ZFYVE9: variants seen among roughly 807,000 people sequenced by gnomAD.
ZFYVE9 encodes the protein zinc finger FYVE domain-containing protein 9.
ZFYVE9 carries 43 observed loss-of-function variants against 126.7 expected under a neutral mutation model. The observed-to-expected ratio is 0.34, with a 90% CI of 0.27 to 0.44. The LOEUF (loss-of-function observed/expected upper bound fraction) is 0.44, where lower values mean the gene tolerates loss of function less well. Ranked by LOEUF, ZFYVE9 falls within the 20% of genes least tolerant of loss-of-function variation. The pLI is 1.00. For synonymous variants in ZFYVE9, 521 were observed against 597.4 expected, an observed-to-expected ratio of 0.87 and a Z score of 1.87; for missense variants, 1,476 against 1,697.0, an observed-to-expected ratio of 0.87 and a Z score of 2.29.
At chr1:52,340,052 A>G in intron 16 of ZFYVE9, 74 bp from the exon 17 acceptor site, 1 of 1,235,362 alleles carries the variant, frequency 8.1e-7, no homozygotes, top group Non-Finnish European at 1.2e-6. Context: ...AGACTTCTGC[A>G]GCAAAACGTG....
At chr1:52,297,540 A>G (rs1481773991) in intron 12 of ZFYVE9, among the ~76,000 whole-genome samples, 1 of 151,554 alleles carries the variant, frequency 6.6e-6, no homozygotes, top group Admixed American at 6.6e-5. Context: ...TGCCCAGCCA[A>G]AACACTTCTT....
intron 1 of ZFYVE9, among the ~76,000 whole-genome samples, chr1:52,192,339 C>G (rs1644823379): frequency 6.6e-6 from 1 of 151,374 alleles, no homozygotes; most frequent in Admixed American, 6.6e-5. Context: ...TAAGGAGATT[C>G]TGCTGCATTC....
chr1:52,199,541 G>A (rs978281062), intron 1 of ZFYVE9, among the ~76,000 whole-genome samples: 66 of 152,220 alleles, frequency 4.3e-4, no homozygotes, highest in African/African-American at 1.6e-3. Context: ...TGAATCTATT[G>A]TATGGATGTA....
chr1:52,269,942 C>A (rs1037071316), intron 7 of ZFYVE9, among the ~76,000 whole-genome samples: 6 of 152,062 alleles, frequency 3.9e-5, no homozygotes, highest in African/African-American at 1.4e-4. Context: ...CAAGCCTGGC[C>A]ACAACTGTTT....
At chr1:52,263,939 T>C (rs1250863871) in intron 5 of ZFYVE9, 67 bp downstream of exon 5, 14 of 1,030,628 alleles carry the variant, frequency 1.4e-5, no homozygotes, top group Middle Eastern at 2.7e-4. Flanking sequence ...ATGAGAAGAC[T>C]TTTTTCCCCC....
At chr1:52,204,054 G>C (rs548273882) in intron 1 of ZFYVE9, among the ~76,000 whole-genome samples, 8 of 151,088 alleles carry the variant, frequency 5.3e-5, no homozygotes, top group African/African-American at 1.9e-4. Flanking sequence ...TCTGAATCTA[G>C]TTCTGATGTT....
At chr1:52,340,023 C>T in intron 16 of ZFYVE9, 103 bp from the exon 17 acceptor site, 1 of 859,848 alleles carries the variant, frequency 1.2e-6, no homozygotes, top group South Asian at 1.4e-5. Flanking sequence ...CAGCAGGGTA[C>T]CCAGTGTAAT....
chr1:52,283,463 A>G (rs1645824517), intron 10 of ZFYVE9, among the ~76,000 whole-genome samples: 1 of 152,228 alleles, frequency 6.6e-6, no homozygotes, highest in Admixed American at 6.5e-5. Context: ...GTCTGGTGGC[A>G]GTTAAGAAGC....
At chr1:52,218,181 A>T (rs1645089277) in intron 2 of ZFYVE9, among the ~76,000 whole-genome samples, 1 of 152,118 alleles carries the variant, frequency 6.6e-6, no homozygotes, top group Non-Finnish European at 1.5e-5. Flanking sequence ...TCCTGATGAA[A>T]TGCCATGGTG....
chr1:52,274,703 TC>T, intron 8 of ZFYVE9, 119 bp downstream of exon 8: 1 of 1,121,268 alleles, frequency 8.9e-7, no homozygotes, highest in Non-Finnish European at 1.2e-6. Context: ...CAAAACAAAC[TC>T]CCCCAAAACT....
At chr1:52,310,644 C>T (rs1646129050) in intron 13 of ZFYVE9, among the ~76,000 whole-genome samples, 1 of 152,148 alleles carries the variant, frequency 6.6e-6, no homozygotes, top group Non-Finnish European at 1.5e-5. Context: ...ATTCTGGTGT[C>T]CCTACTCTTA....
At chr1:52,160,736 C>G (rs1644450428) in intron 1 of ZFYVE9, 4 of 398,294 alleles carry the variant, frequency 1.0e-5, no homozygotes, top group Non-Finnish European at 1.8e-5. Flanking sequence ...TTCTAAGTTG[C>G]TTTGATTCTT....
At chr1:52,161,805 C>CT (rs1270605878) in intron 1 of ZFYVE9, among the ~76,000 whole-genome samples, 4 of 152,140 alleles carry the variant, frequency 2.6e-5, no homozygotes, top group African/African-American at 9.6e-5. Context: ...TTATGTGTTA[C>CT]TGTCTTCCTC....
intron 1 of ZFYVE9, among the ~76,000 whole-genome samples, chr1:52,204,082 CTT>C (rs769536877): frequency 8.3e-5 from 12 of 143,736 alleles, no homozygotes; most frequent in Admixed American, 7.0e-5. Flanking sequence ...TCTCCTCAAA[CTT>C]TTTTTTTTTT....
chr1:52,199,964 G>A (rs1047043560), intron 1 of ZFYVE9, among the ~76,000 whole-genome samples: 2 of 150,208 alleles, frequency 1.3e-5, no homozygotes, highest in Non-Finnish European at 3.0e-5. Flanking sequence ...ATGCCTGTTT[G>A]CCATCTGTGT....
chr1:52,271,519 A>T (rs1645692502), intron 7 of ZFYVE9, among the ~76,000 whole-genome samples: 1 of 152,104 alleles, frequency 6.6e-6, no homozygotes, highest in Non-Finnish European at 1.5e-5. Context: ...GGTTTGCTGC[A>T]CCCATCAACC....
rs1350520453 is a variant in ZFYVE9 at position 52,337,909 on chromosome 1, G to A, written c.3808G>A (p.Asp1270Asn). The change falls in exon 16 of 19, where the codon GAT (aspartate) becomes AAT (asparagine). Residue 1270 changes from aspartate to asparagine, a missense_variant. By Grantham distance (23) the Asp-to-Asn change is conservative. This residue lies in a region of ZFYVE9 where 669 missense variants were observed against 902.4 expected (regional missense o/e 0.74). Coordinates refer to ENST00000287727, the MANE Select transcript of ZFYVE9 (RefSeq NM_004799.4). ...GGAGCACATCCACATCCAGTGGGTGGATGATGACAAGAACGTTAGCAAGGG... is the reference window on the plus strand; with the variant it reads ...GGAGCACATCCACATCCAGTGGGTGAATGATGACAAGAACGTTAGCAAGGG... ...PQEHIHIQWV[D>N]DDKNVSKGVV... 7 of 1,614,076 alleles carry A rather than the reference G, an allele frequency of 4.3e-6. No individual in the cohort carries two copies. Among genetic ancestry groups the A allele is most frequent in the African/African-American group, 4.0e-5 (3 of 74,938 alleles).
chr1:52,158,968 A>G (rs1293500853), intron 1 of ZFYVE9, among the ~76,000 whole-genome samples: 1 of 151,618 alleles, frequency 6.6e-6, no homozygotes, highest in African/African-American at 2.4e-5. Flanking sequence ...AATTTTTTGT[A>G]TTTTTAGTAG....
At chr1:52,163,792 A>G (rs574632421) in intron 1 of ZFYVE9, among the ~76,000 whole-genome samples, 39 of 152,158 alleles carry the variant, frequency 2.6e-4, no homozygotes, top group Non-Finnish European at 4.4e-4. Flanking sequence ...TGGGCAACAT[A>G]GTGAGACCTC....
Sources: allele counts gnomAD v4.1 joint callset (sites outside exome capture counted in the v4.1 genomes callset), GRCh38; gene constraint gnomAD v4.1.1; regional missense constraint gnomAD v4.1.1; transcripts MANE v1.5; gene names NCBI Gene and HGNC (gene_info 2026-07-23, HGNC 2026-07-21).